TYW2: variants seen among roughly 807,000 people sequenced by gnomAD.
The protein encoded by TYW2 is tRNA wybutosine-synthesizing protein 2.
the TYW2 span, chr8:124,452,348 CA>C: frequency 2.0e-6 from 3 of 1,488,280 alleles, no homozygotes; most frequent in Admixed American, 6.0e-5. Context: ...TCCAGGTTGT[CA>C]TCCCTTTTGT....
the TYW2 span, chr8:124,451,841 G>T: frequency 1.2e-6 from 2 of 1,614,050 alleles, no homozygotes; most frequent in African/African-American, 2.7e-5. Context: ...ATTGCAGATA[G>T]GGTGATCCTG....
the TYW2 span, chr8:124,452,300 G>T: frequency 1.2e-6 from 2 of 1,603,630 alleles, no homozygotes; most frequent in Non-Finnish European, 1.7e-6. Context: ...GGACACATGG[G>T]ATCCACGTGC....
At chr8:124,451,022 G>T in the TYW2 span, 3 of 1,614,048 alleles carry the variant, frequency 1.9e-6, no homozygotes, top group East Asian at 2.2e-5. Flanking sequence ...TTTACCCAGC[G>T]ATACAGAGAA....
the TYW2 span, chr8:124,450,954 CAT>C: frequency 1.2e-6 from 2 of 1,613,930 alleles, no homozygotes; most frequent in Non-Finnish European, 1.7e-6. Flanking sequence ...TTGTTAGCAA[CAT>C]GGAGAGAGAA....
At chr8:124,451,821 GCTCTCAAAT>G in the TYW2 span, 5 of 1,614,022 alleles carry the variant, frequency 3.1e-6, no homozygotes, top group Non-Finnish European at 4.2e-6. Flanking sequence ...GAAAACTGAA[GCTCTCAAAT>G]ATTGCAGATA....
At chr8:124,452,417 T>C in the TYW2 span, 1 of 730,690 alleles carries the variant, frequency 1.4e-6, no homozygotes, top group Admixed American at 3.3e-5. Flanking sequence ...TCTAGATCAA[T>C]TCAAATTATT....
chr8:124,450,942 G>A, the TYW2 span: 1 of 1,613,694 alleles, frequency 6.2e-7, no homozygotes. Flanking sequence ...GAGAGAATGT[G>A]GTTGTTAGCA....
chr8:124,451,111 C>T, the TYW2 span: 3 of 1,614,114 alleles, frequency 1.9e-6, no homozygotes, highest in Non-Finnish European at 1.7e-6. Flanking sequence ...GCTACCGGTG[C>T]TGGGAGAGAC....
At chr8:124,451,655 C>G in the TYW2 span, 2 of 1,614,086 alleles carry the variant, frequency 1.2e-6, no homozygotes, top group African/African-American at 2.7e-5. Context: ...GATCTCTATG[C>G]AGGGATTGGT....
the TYW2 span, chr8:124,451,616 CGTT>C: frequency 1.2e-6 from 2 of 1,614,172 alleles, no homozygotes; most frequent in Admixed American, 3.3e-5. Flanking sequence ...CGAGTGGCAT[CGTT>C]GTCCTGTGCT....
chr8:124,451,021 C>A, the TYW2 span: 12 of 1,614,076 alleles, frequency 7.4e-6, no homozygotes, highest in Non-Finnish European at 1.0e-5. Flanking sequence ...GTTTACCCAG[C>A]GATACAGAGA....
the TYW2 span, chr8:124,451,491 A>G: frequency 6.2e-7 from 1 of 1,614,194 alleles, no homozygotes; most frequent in African/African-American, 1.3e-5. Flanking sequence ...GAACTCCAGC[A>G]GTGACACTGC....
chr8:124,450,908 G>T, the TYW2 span: 1 of 1,600,630 alleles, frequency 6.2e-7, no homozygotes, highest in Non-Finnish European at 8.5e-7. Flanking sequence ...ACTCTGAGGA[G>T]ATGGAGTATC....
the TYW2 span, chr8:124,451,830 T>C: frequency 1.1e-5 from 17 of 1,613,984 alleles, no homozygotes; most frequent in South Asian, 3.3e-5. Context: ...AGCTCTCAAA[T>C]ATTGCAGATA....
chr8:124,452,011 T>C, the TYW2 span: 1 of 1,614,212 alleles, frequency 6.2e-7, no homozygotes, highest in Admixed American at 1.7e-5. Context: ...GCATTGGCTG[T>C]ATCCTCAGCA....
chr8:124,451,164 C>T, the TYW2 span: 18 of 1,613,988 alleles, frequency 1.1e-5, no homozygotes, highest in Non-Finnish European at 1.4e-5. Flanking sequence ...ATCGTGTTGC[C>T]CCAGGCAGTC....
chr8:124,451,267 T>C, the TYW2 span: 2 of 1,613,936 alleles, frequency 1.2e-6, no homozygotes, highest in East Asian at 2.2e-5. Context: ...GGTGAGTCGC[T>C]GGGTGGAGGG....
chr8:124,451,451 A>T, the TYW2 span: 35 of 1,614,040 alleles, frequency 2.2e-5, no homozygotes, highest in Non-Finnish European at 2.9e-5. Context: ...CGTTTGGCAA[A>T]ACGAGGGCGG....
the TYW2 span, chr8:124,451,021 C>G: frequency 3.7e-6 from 6 of 1,614,076 alleles, no homozygotes; most frequent in Non-Finnish European, 5.1e-6. Context: ...GTTTACCCAG[C>G]GATACAGAGA....
Sources: gnomAD v4.1 joint callset for allele counts on GRCh38, gnomAD v4.1.1 for gene constraint, MANE v1.5 for transcripts, NCBI Gene and HGNC (gene_info 2026-07-23, HGNC 2026-07-21) for gene names.